The following CPS1 variants were observed in gnomAD, a reference collection of about 807,000 sequenced individuals.
CPS1 encodes carbamoyl-phosphate synthase 1.
CPS1 carries 109 observed loss-of-function variants against 174.6 expected under a neutral mutation model. That is an observed-to-expected ratio of 0.62 (90% CI 0.53 to 0.73). The LOEUF (loss-of-function observed/expected upper bound fraction) is 0.73, where lower values mean the gene tolerates loss of function less well. Among genes scored for constraint, CPS1 ranks in the 30% least tolerant of loss-of-function variants. The pLI, the probability that CPS1 is intolerant of heterozygous loss-of-function variation, is 0.00. For missense variants in CPS1, 1,689 were observed against 1,821.9 expected (o/e 0.93, Z 1.33); for synonymous variants, 637 against 632.0 (o/e 1.01, Z -0.12).
At chr2:210,642,421 T>C (rs1197002332) in intron 24 of CPS1, 63 bp from the exon 25 acceptor site, 2 of 1,583,760 alleles carry the variant, frequency 1.3e-6, no homozygotes, top group Middle Eastern at 1.7e-4. Context: ...ACATTTCTGC[T>C]TCTCTTTGTA....
chr2:210,580,793 G>A (rs1308426489), intron 5 of CPS1, among the ~76,000 whole-genome samples: 4 of 151,288 alleles, frequency 2.6e-5, no homozygotes, highest in Admixed American at 6.6e-5. Context: ...CCCGGGAGGC[G>A]GAGGTTGCAG....
intron 21 of CPS1, among the ~76,000 whole-genome samples, chr2:210,630,572 A>G (rs1699836236): frequency 1.3e-5 from 2 of 152,198 alleles, no homozygotes; most frequent in Non-Finnish European, 1.5e-5. Flanking sequence ...TCTAGGTATT[A>G]TTTGCTCTGT....
intron 16 of CPS1, 90 bp from the exon 17 acceptor site, chr2:210,605,012 C>A: frequency 7.0e-7 from 1 of 1,435,862 alleles, no homozygotes; most frequent in Non-Finnish European, 9.7e-7. Flanking sequence ...CAGTGCTGAC[C>A]AGGATTTATG....
intron 1 of CPS1, among the ~76,000 whole-genome samples, chr2:210,509,197 T>C (rs896025117): frequency 5.9e-5 from 9 of 152,206 alleles, no homozygotes; most frequent in African/African-American, 2.2e-4. Flanking sequence ...CAAGTGGGCT[T>C]CATCCCTGGG....
At position 210,576,418 on chromosome 2, in the gene CPS1, T is replaced by G; in HGVS notation, c.309T>G (p.Asn103Lys). Residue 103 changes from asparagine (N) to lysine (K), a missense_variant, in exon 3 of 38, where the codon AAT (asparagine) becomes AAG (lysine). Coordinates refer to ENST00000233072, the MANE Select transcript of CPS1 (RefSeq NM_001875.5). ...CAATGGCCAACCCTATTATTGGGAA[T>G]GGTGGAGCTCCTGATACTACTGCTC... ...ILTMANPIIG[N>K]GGAPDTTALD... 2 of 1,613,754 alleles carry G rather than the reference T, an allele frequency of 1.2e-6. No homozygotes were observed. The highest frequency in any genetic ancestry group is 1.7e-6 in the Non-Finnish European group (2 of 1,179,734).
chr2:210,638,793 G>A (rs990894444), intron 22 of CPS1, among the ~76,000 whole-genome samples: 2 of 152,232 alleles, frequency 1.3e-5, no homozygotes, highest in Middle Eastern at 3.4e-3. Flanking sequence ...AGATCCTTAC[G>A]TATAGGTCAT....
intron 21 of CPS1, among the ~76,000 whole-genome samples, chr2:210,637,117 C>A (rs888259733): frequency 2.0e-5 from 3 of 152,028 alleles, no homozygotes; most frequent in Admixed American, 6.6e-5. Context: ...GAATTGTCAA[C>A]CAGTCATGCT....
At chr2:210,512,736 T>TTATATATATATATA (rs71043996) in intron 1 of CPS1, among the ~76,000 whole-genome samples, 2 of 46,750 alleles carry the variant, frequency 4.3e-5, no homozygotes, top group African/African-American at 1.0e-4. Context: ...TCCAGTAGTT[T>TTATATATATATATA]TATATATATA....
intron 16 of CPS1, 52 bp from the exon 17 acceptor site, chr2:210,605,050 T>A: frequency 3.1e-6 from 5 of 1,607,008 alleles, no homozygotes; most frequent in Non-Finnish European, 4.3e-6. Context: ...ATATCCTTGT[T>A]GAAGCCAGTG....
chr2:210,554,055 C>G (rs932678769), upstream of CPS1, among the ~76,000 whole-genome samples: 2 of 147,824 alleles, frequency 1.4e-5, no homozygotes, highest in Admixed American at 6.8e-5. Context: ...AGACATGGAC[C>G]ATAAAATATA....
intron 1 of CPS1, among the ~76,000 whole-genome samples, chr2:210,501,564 A>T (rs1482627412): frequency 6.6e-6 from 1 of 152,202 alleles, no homozygotes; most frequent in East Asian, 1.9e-4. Context: ...AAAGTTCTAC[A>T]GATCTCTAGG....
At chr2:210,571,144 T>C (rs1697465908) in intron 1 of CPS1, among the ~76,000 whole-genome samples, 1 of 151,904 alleles carries the variant, frequency 6.6e-6, no homozygotes, top group Non-Finnish European at 1.5e-5. Flanking sequence ...TAATAAATAA[T>C]AAATAAATAA....
chr2:210,512,763 T>G (rs1695534848), intron 1 of CPS1, among the ~76,000 whole-genome samples: 2 of 111,162 alleles, frequency 1.8e-5, no homozygotes, highest in African/African-American at 7.9e-5. Context: ...TATATATATA[T>G]ATATATATAT....
intron 16 of CPS1, 90 bp from the exon 17 acceptor site, chr2:210,605,012 C>T: frequency 7.0e-7 from 1 of 1,435,866 alleles, no homozygotes; most frequent in Non-Finnish European, 9.7e-7. Context: ...CAGTGCTGAC[C>T]AGGATTTATG....
At chr2:210,638,709 T>A (rs1700114817) in intron 22 of CPS1, among the ~76,000 whole-genome samples, 1 of 152,208 alleles carries the variant, frequency 6.6e-6, no homozygotes, top group Admixed American at 6.5e-5. Context: ...CCTATGGCTT[T>A]ATGGTAGTTG....
At chr2:210,500,981 TC>T (rs1414436823) in intron 1 of CPS1, among the ~76,000 whole-genome samples, 2 of 151,848 alleles carry the variant, frequency 1.3e-5, no homozygotes, top group African/African-American at 4.8e-5. Flanking sequence ...TAGGTGGAGG[TC>T]CCCAAACTTC....
chr2:210,485,087 C>T (rs1453857445), intron 1 of CPS1, among the ~76,000 whole-genome samples: 9 of 151,714 alleles, frequency 5.9e-5, no homozygotes, highest in Non-Finnish European at 7.4e-5. Flanking sequence ...AAAAATTAGC[C>T]GGGCATGGTG....
intron 1 of CPS1, among the ~76,000 whole-genome samples, chr2:210,498,791 G>T (rs76903192): frequency 6.6e-6 from 1 of 152,128 alleles, no homozygotes; most frequent in Non-Finnish European, 1.5e-5. Context: ...ATCTGCCTGG[G>T]TGTGGAGTGT....
intron 35 of CPS1, among the ~76,000 whole-genome samples, chr2:210,675,207 A>G (rs1259718447): frequency 6.6e-6 from 1 of 152,270 alleles, no homozygotes; most frequent in Non-Finnish European, 1.5e-5. Context: ...CTTAAGCACA[A>G]TTGAGACAAA....
Sources: allele counts gnomAD v4.1 joint callset (sites outside exome capture counted in the v4.1 genomes callset), GRCh38; gene constraint gnomAD v4.1.1; transcripts MANE v1.5; gene names NCBI Gene and HGNC (gene_info 2026-07-23, HGNC 2026-07-21).